HIPK2: variants seen among roughly 807,000 people sequenced by gnomAD.
The protein encoded by HIPK2 is homeodomain-interacting protein kinase 2.
HIPK2 carries 27 observed loss-of-function variants against 113.7 expected under a neutral mutation model. That is an observed-to-expected ratio of 0.24 (90% CI 0.17 to 0.33). HIPK2 has a LOEUF of 0.33. HIPK2 is among the 10% of genes least tolerant of loss of function. The pLI is 1.00. For missense variants in HIPK2, 1,257 were observed against 1,588.0 expected (o/e 0.79, Z 3.54); for synonymous variants, 631 against 642.2 (o/e 0.98, Z 0.26).
chr7:139,710,570 A>C (rs1795032100), intron 2 of HIPK2, among the ~76,000 whole-genome samples: 1 of 152,238 alleles, frequency 6.6e-6, no homozygotes, highest in Non-Finnish European at 1.5e-5. Flanking sequence ...CCTCAAAGAG[A>C]CTGTGAACTC....
At chr7:139,681,446 G>A (rs1183346195) in intron 2 of HIPK2, among the ~76,000 whole-genome samples, 2 of 152,234 alleles carry the variant, frequency 1.3e-5, no homozygotes, top group Non-Finnish European at 2.9e-5. Flanking sequence ...TTAAATGGAA[G>A]CACAAACCCA....
intron 2 of HIPK2, among the ~76,000 whole-genome samples, chr7:139,645,128 T>C (rs1027487909): frequency 3.3e-5 from 5 of 152,174 alleles, no homozygotes; most frequent in Admixed American, 6.5e-5. Context: ...TCCCAGTGCC[T>C]CCACTGGAGA....
chr7:139,763,708 C>T (rs995510715), intron 1 of HIPK2, among the ~76,000 whole-genome samples: 1 of 152,246 alleles, frequency 6.6e-6, no homozygotes, highest in African/African-American at 2.4e-5. Flanking sequence ...CTGGATTCCA[C>T]ATTTGCAAAT....
chr7:139,640,168 A>G (rs183439303), intron 2 of HIPK2, among the ~76,000 whole-genome samples: 44 of 152,344 alleles, frequency 2.9e-4, no homozygotes, highest in Middle Eastern at 3.4e-3. Flanking sequence ...TCTGCACCTA[A>G]GAAAGAGGGG....
intron 7 of HIPK2, among the ~76,000 whole-genome samples, chr7:139,614,906 G>A (rs1330343488): frequency 6.6e-6 from 1 of 152,242 alleles, no homozygotes. Context: ...TGAGGACTAT[G>A]GGATTCCTTG....
intron 2 of HIPK2, among the ~76,000 whole-genome samples, chr7:139,642,631 T>G (rs369939227): frequency 6.6e-6 from 1 of 152,172 alleles, no homozygotes; most frequent in African/African-American, 2.4e-5. Flanking sequence ...CAACCTGTGA[T>G]TGGATTCTTA....
At chr7:139,664,007 AG>A (rs1193346668) in intron 2 of HIPK2, among the ~76,000 whole-genome samples, 1 of 152,192 alleles carries the variant, frequency 6.6e-6, no homozygotes, top group Non-Finnish European at 1.5e-5. Flanking sequence ...CCATTCTTCA[AG>A]GAGGACTCTG....
At chr7:139,688,803 T>A (rs1334705715) in intron 2 of HIPK2, among the ~76,000 whole-genome samples, 1 of 152,146 alleles carries the variant, frequency 6.6e-6, no homozygotes, top group South Asian at 2.1e-4. Context: ...AAAATACTAA[T>A]GTTCATTATA....
rs1346767679 is a variant in HIPK2 at position 139,777,966 on chromosome 7, C to T, written c.-343G>A. ...GGAGGGGCGGGAGCCGGGGGCAGCGCGCGGCCAGGGCCGGCGGGGCTCAGC... is the reference window on the plus strand; with the variant it reads ...GGAGGGGCGGGAGCCGGGGGCAGCGTGCGGCCAGGGCCGGCGGGGCTCAGC... On this transcript the variant is annotated 5_prime_UTR_variant, in exon 1 of 15. Transcript: ENST00000406875. 7.1e-6 allele frequency among the ~76,000 whole-genome samples: 1 copy of T among 141,702 alleles called. No individual in the cohort carries two copies. The highest frequency in any genetic ancestry group is 1.6e-5 in the Non-Finnish European group (1 of 64,308). The allele number at this position is 141,702 out of a possible 152,430, so 93.0% of individuals were successfully genotyped here.
intron 1 of HIPK2, chr7:139,721,943 C>T (rs1795423051): frequency 9.7e-6 from 3 of 309,850 alleles, no homozygotes; most frequent in Admixed American, 7.3e-5. Context: ...GCCACATTTT[C>T]ATTCACTAAA....
Position 139,613,177 on chromosome 7 carries a change from G to C in HIPK2, c.2112+25C>G, listed in dbSNP as rs757898657. The C allele has an allele frequency of 1.8e-5, 29 of 1,612,796 alleles. No individual in the cohort carries two copies. The highest frequency in any genetic ancestry group is 2.5e-5 in the Non-Finnish European group (29 of 1,179,296). On this transcript the variant is annotated intron_variant, in intron 9 of 14. Transcript: ENST00000406875. The surrounding 1 kb of genome is among the most constrained non-coding windows in gnomAD (Gnocchi z 4.2). Reference sequence around the variant, plus strand: ...ATTAACACAGGTAATGGTAATACCAGTAATAATAAAGGAGAAAGAATTACC... The same window carrying C: ...ATTAACACAGGTAATGGTAATACCACTAATAATAAAGGAGAAAGAATTACC...
chr7:139,665,229 A>G (rs10272340), intron 2 of HIPK2, among the ~76,000 whole-genome samples: 58,761 of 151,752 alleles, frequency 0.39, 12,234 homozygotes, highest in East Asian at 0.54. Flanking sequence ...ACAGAGATGG[A>G]GGTCTTACTA....
At chr7:139,759,026 A>T (rs932256786) in intron 1 of HIPK2, among the ~76,000 whole-genome samples, 1 of 152,192 alleles carries the variant, frequency 6.6e-6, no homozygotes, top group African/African-American at 2.4e-5. Flanking sequence ...CAAAACATGC[A>T]TGATCAACTG....
chr7:139,582,288 C>A (rs1374250463), intron 13 of HIPK2, among the ~76,000 whole-genome samples: 1 of 152,230 alleles, frequency 6.6e-6, no homozygotes, highest in African/African-American at 2.4e-5. Flanking sequence ...CAGCCTGGCC[C>A]CTGTCAACCA....
intron 2 of HIPK2, among the ~76,000 whole-genome samples, chr7:139,647,183 G>A (rs1242277873): frequency 6.6e-6 from 1 of 151,180 alleles, no homozygotes; most frequent in Non-Finnish European, 1.5e-5. Context: ...AGCATCCCGA[G>A]GCCATGGCCT....
intron 2 of HIPK2, among the ~76,000 whole-genome samples, chr7:139,702,250 G>C (rs1285305389): frequency 6.6e-5 from 10 of 152,110 alleles, no homozygotes; most frequent in African/African-American, 2.4e-4. Context: ...ATCTTACACT[G>C]GCTGCTCTGA....
At chr7:139,692,346 A>G (rs1569475479) in intron 2 of HIPK2, among the ~76,000 whole-genome samples, 1 of 152,250 alleles carries the variant, frequency 6.6e-6, no homozygotes, top group Non-Finnish European at 1.5e-5. Flanking sequence ...CATTAAGCTC[A>G]TGCACACTGG....
intron 12 of HIPK2, among the ~76,000 whole-genome samples, chr7:139,596,095 A>C (rs1314997305): frequency 6.6e-6 from 1 of 152,228 alleles, no homozygotes. Flanking sequence ...ATTTTGCTGA[A>C]GTCTGGCTGG....
chr7:139,666,724 G>GT (rs1323272690), intron 2 of HIPK2, among the ~76,000 whole-genome samples: 1 of 152,162 alleles, frequency 6.6e-6, no homozygotes, highest in African/African-American at 2.4e-5. Flanking sequence ...TGTTAGAAAT[G>GT]TATTAGACAA....
Sources: gnomAD v4.1 joint callset for allele counts (sites outside exome capture counted in the v4.1 genomes callset) on GRCh38, gnomAD v4.1.1 for gene constraint, Gnocchi (gnomAD v3.1) non-coding constraint, MANE v1.5 for transcripts, NCBI Gene and HGNC (gene_info 2026-07-23, HGNC 2026-07-21) for gene names.